The following ZNF385D variants were observed in gnomAD, a reference collection of about 807,000 sequenced individuals.
ZNF385D encodes zinc finger protein 385D, also known as zinc finger protein 659.
ZNF385D carries 15 observed loss-of-function variants against 35.8 expected under a neutral mutation model. The ratio of observed to expected loss-of-function variants is 0.42; its 90% CI spans 0.28 to 0.64. The LOEUF is 0.64. Among genes scored for constraint, ZNF385D ranks in the 30% least tolerant of loss-of-function variants. The pLI is 0.23. For missense variants in ZNF385D, 474 were observed against 494.6 expected (o/e 0.96, Z 0.39); for synonymous variants, 212 against 186.8 (o/e 1.13, Z -1.10).
At chr3:21,699,482 T>C (rs900999193) in intron 1 of ZNF385D, among the ~76,000 whole-genome samples, 70 of 151,906 alleles carry the variant, frequency 4.6e-4, no homozygotes, top group African/African-American at 1.7e-3. Context: ...GAACTTAAAG[T>C]ATAATAATAA....
chr3:21,547,988 A>G (rs2062437015), intron 3 of ZNF385D, among the ~76,000 whole-genome samples: 1 of 152,146 alleles, frequency 6.6e-6, no homozygotes, highest in Non-Finnish European at 1.5e-5. Context: ...CAGCCTGTCC[A>G]CTGAGCTGTA....
At chr3:22,215,049 C>T (rs1465424763) in intron 2 of ZNF385D, among the ~76,000 whole-genome samples, 1 of 151,926 alleles carries the variant, frequency 6.6e-6, no homozygotes, top group Non-Finnish European at 1.5e-5. Context: ...CTCTTTTGTA[C>T]TCTGTCCCTT....
intron 3 of ZNF385D, among the ~76,000 whole-genome samples, chr3:22,012,276 C>A (rs370875667): frequency 6.6e-6 from 1 of 152,194 alleles, no homozygotes; most frequent in South Asian, 2.1e-4. Context: ...AATTGAAATA[C>A]GTAGCTCTTT....
chr3:21,722,824 T>C (rs981251472), intron 1 of ZNF385D, among the ~76,000 whole-genome samples: 4 of 152,240 alleles, frequency 2.6e-5, no homozygotes, highest in African/African-American at 9.6e-5. Context: ...ACAGTGTATC[T>C]ACAGTATATT....
intron 3 of ZNF385D, among the ~76,000 whole-genome samples, chr3:22,022,085 C>G (rs968036117): frequency 1.3e-5 from 2 of 152,058 alleles, no homozygotes; most frequent in East Asian, 3.8e-4. Context: ...ATTGTAGTAA[C>G]TGATGAGTTC....
chr3:21,621,146 T>G (rs1038866803), intron 2 of ZNF385D, among the ~76,000 whole-genome samples: 6 of 152,146 alleles, frequency 3.9e-5, no homozygotes, highest in Non-Finnish European at 8.8e-5. Context: ...AAAGCTGGAC[T>G]CCTTGCTGCA....
intron 4 of ZNF385D, among the ~76,000 whole-genome samples, chr3:21,462,745 G>C (rs749469460): frequency 1.3e-5 from 2 of 152,208 alleles, no homozygotes; most frequent in Non-Finnish European, 2.9e-5. Flanking sequence ...ACTTTGGGAG[G>C]CCGAGGAGGG....
chr3:21,724,525 G>T (rs2068678966), intron 1 of ZNF385D, among the ~76,000 whole-genome samples: 1 of 103,350 alleles, frequency 9.7e-6, no homozygotes, highest in Non-Finnish European at 1.9e-5. Flanking sequence ...AAAAGCAGGA[G>T]TTGCAATCCT....
At chr3:21,662,159 T>A (rs1342837839) in intron 2 of ZNF385D, among the ~76,000 whole-genome samples, 1 of 152,114 alleles carries the variant, frequency 6.6e-6, no homozygotes, top group Non-Finnish European at 1.5e-5. Flanking sequence ...AAAGAAGGGA[T>A]AGCTGTATTG....
intron 3 of ZNF385D, among the ~76,000 whole-genome samples, chr3:22,145,095 C>G (rs1576397593): frequency 6.6e-6 from 1 of 151,506 alleles, no homozygotes; most frequent in African/African-American, 2.4e-5. Flanking sequence ...TCAAAATGTC[C>G]TATGTACATA....
At chr3:21,815,874 CA>C (rs955477024) in intron 3 of ZNF385D, among the ~76,000 whole-genome samples, 1 of 151,528 alleles carries the variant, frequency 6.6e-6, no homozygotes, top group Non-Finnish European at 1.5e-5. Flanking sequence ...AGAGACACAA[CA>C]AAAAAAAGAG....
At chr3:22,071,238 G>C (rs930322910) in intron 3 of ZNF385D, among the ~76,000 whole-genome samples, 12 of 152,014 alleles carry the variant, frequency 7.9e-5, no homozygotes. Flanking sequence ...TATCCCAAAG[G>C]TTCCAACTCA....
rs17009822 is a variant in ZNF385D, at chr3:21,852,581, G to C, written c.326-187553C>G. On this transcript the variant is annotated intron_variant, in intron 3 of 5. Coordinates refer to the ZNF385D transcript ENST00000494108. The stretch of plus-strand genomic sequence containing the variant: ...ATCAAAAGAATTCTGAAAAAATGTT[G>C]CTATACCACATAGCATGAGATTAGG... 4.5e-3 allele frequency among the ~76,000 whole-genome samples: 686 copies of C among 151,970 alleles called. 6 individuals are homozygous for C. The highest frequency in any genetic ancestry group is 0.015 in the African/African-American group (635 of 41,508).
chr3:22,307,200 G>T (rs1181405769), intron 2 of ZNF385D, among the ~76,000 whole-genome samples: 1 of 152,152 alleles, frequency 6.6e-6, no homozygotes, highest in African/African-American at 2.4e-5. Context: ...AAGCCCTGGT[G>T]GGGTGGGGAG....
intron 3 of ZNF385D, among the ~76,000 whole-genome samples, chr3:22,002,632 T>C (rs538687110): frequency 2.0e-5 from 3 of 152,160 alleles, no homozygotes; most frequent in African/African-American, 7.2e-5. Flanking sequence ...CAACAACTAC[T>C]ACAACCCTCA....
At chr3:22,093,262 C>T (rs1268713513) in intron 3 of ZNF385D, among the ~76,000 whole-genome samples, 4 of 151,812 alleles carry the variant, frequency 2.6e-5, no homozygotes, top group African/African-American at 9.7e-5. Flanking sequence ...AAAAGTAAAC[C>T]CAACATCTAA....
At chr3:21,816,074 C>A (rs1046552602) in intron 3 of ZNF385D, among the ~76,000 whole-genome samples, 37 of 152,066 alleles carry the variant, frequency 2.4e-4, no homozygotes, top group African/African-American at 8.7e-4. Flanking sequence ...GAACCAAAGA[C>A]AAAAACCACG....
chr3:21,645,257 G>A (rs774667701), intron 2 of ZNF385D, among the ~76,000 whole-genome samples: 31 of 152,166 alleles, frequency 2.0e-4, no homozygotes, highest in Non-Finnish European at 3.7e-4. Context: ...TGCAGCCAAG[G>A]TTGTTAGAGT....
rs1700655064 is a variant in ZNF385D, at chr3:21,419,640, A to G, written c.*1574T>C. The G allele has an allele frequency of 6.6e-6, 1 of 152,134 alleles. No homozygotes were observed. Among genetic ancestry groups the G allele is most frequent in the Non-Finnish European group, 1.5e-5 (1 of 67,988 alleles). 9.4% of individuals were successfully genotyped at this position (152,134 alleles called of 1,614,324 possible). A position where few individuals can be genotyped will look rare whatever the true frequency, so the allele number is the denominator to read the frequency against. On this transcript the variant is annotated 3_prime_UTR_variant, in exon 8 of 8. Coordinates refer to ENST00000281523, the MANE Select transcript of ZNF385D (RefSeq NM_024697.3). ...GTGTCATTGCTCTTATTAATGCAAC[A>G]GACTGGCTGCATCAAACCCCACCAT...
Sources: gnomAD v4.1 joint callset for allele counts (sites outside exome capture counted in the v4.1 genomes callset) on GRCh38, gnomAD v4.1.1 for gene constraint, MANE v1.5 for transcripts, NCBI Gene and HGNC (gene_info 2026-07-23, HGNC 2026-07-21) for gene names.